Variants in NEU3 observed in about 807,000 individuals in gnomAD.
The protein encoded by NEU3 is sialidase-3.
In NEU3, 10 loss-of-function variants were observed where a neutral mutation model predicts 11.4. The observed-to-expected ratio is 0.88, with a 90% confidence interval of 0.54 to 1.49. The LOEUF (loss-of-function observed/expected upper bound fraction) is 1.49, where lower values mean the gene tolerates loss of function less well. Ranked by LOEUF, NEU3 falls within the 40% of genes most tolerant of loss-of-function variation. NEU3 has a pLI of 0.00. For synonymous variants in NEU3, 212 were observed against 228.2 expected, an observed-to-expected ratio of 0.93 and a Z score of 0.64; for missense variants, 529 against 581.8, an observed-to-expected ratio of 0.91 and a Z score of 0.93.
At chr11:74,989,690 G>A (rs576386810) in intron 1 of NEU3, among the ~76,000 whole-genome samples, 10 of 152,216 alleles carry the variant, frequency 6.6e-5, no homozygotes, top group African/African-American at 2.4e-4. Context: ...TGGAGGCTGT[G>A]GAATTACATT....
Position 75,007,888 on chromosome 11 carries a change from T to G in NEU3, c.*1396T>G, listed in dbSNP as rs1948914711. 1 of 152,204 alleles carries G rather than the reference T, an allele frequency of 6.6e-6. No homozygotes were observed. The highest frequency in any genetic ancestry group is 6.5e-5 in the Admixed American group (1 of 15,288). The allele number at this position is 152,204 out of a possible 1,614,324, so 9.4% of individuals were successfully genotyped here. On this transcript the variant is annotated 3_prime_UTR_variant, in exon 3 of 3. Transcript: ENST00000294064. Reference sequence around the variant, plus strand: ...TATCAACTAAATATATTTGGTGTTGTACAATGACCACAGAGAACAAGTCTT... The same window carrying G: ...TATCAACTAAATATATTTGGTGTTGGACAATGACCACAGAGAACAAGTCTT...
Position 74,994,738 on chromosome 11 carries a change from A to G in NEU3, c.306+18A>G. 4 of 1,605,610 alleles carry G rather than the reference A, an allele frequency of 2.5e-6. No individual in the cohort carries two copies. Among genetic ancestry groups the G allele is most frequent in the Non-Finnish European group, 3.4e-6 (4 of 1,172,246 alleles). ...TGGTACAGGTGACTCTTCATCCCAG[A>G]TCTGAGTCTGGGCCTCAGTTTCTCT... On this transcript the variant is annotated intron_variant, in intron 2 of 2. Coordinates refer to ENST00000294064, the MANE Select transcript of NEU3 (RefSeq NM_006656.6).
rs1430292589 is a variant in NEU3 at position 75,006,127 on chromosome 11, C to T, written c.1021C>T (p.Gln341Ter). The change falls in exon 3 of 3, where the codon CAG becomes TAG. Residue 341 changes from glutamine to a stop codon, truncating the protein, a stop_gained. Coordinates refer to ENST00000294064, the MANE Select transcript of NEU3 (RefSeq NM_006656.6). LOFTEE classifies it low-confidence loss of function (END_TRUNC). Reference protein sequence around the residue: ...SSSKDAPTIQQSSPGSSLRLE... With the variant: ...SSSKDAPTIQ ...CAGCAAAGATGCACCCACCATTCAG[C>T]AGAGCTCTCCAGGCAGTTCACTGAG... 4 of 1,614,014 alleles carry T rather than the reference C, an allele frequency of 2.5e-6. No homozygotes were observed. Among genetic ancestry groups the T allele is most frequent in the Non-Finnish European group, 3.4e-6 (4 of 1,179,894 alleles).
chr11:75,006,525 T>C lies in NEU3; in HGVS notation c.*33T>C. The C allele has an allele frequency of 6.4e-7, 1 of 1,573,558 alleles. No homozygotes were observed. Among genetic ancestry groups the C allele is most frequent in the South Asian group, 1.2e-5 (1 of 84,430 alleles). On this transcript the variant is annotated 3_prime_UTR_variant, in exon 3 of 3. Transcript: ENST00000294064. Reference sequence around the variant, plus strand: ...AGGACCCAATTTCCATAGATGCAAATGGCAGTTACAGACAGGTTAACAGAA... The same window carrying C: ...AGGACCCAATTTCCATAGATGCAAACGGCAGTTACAGACAGGTTAACAGAA...
intron 2 of NEU3, among the ~76,000 whole-genome samples, chr11:75,002,382 GGTAGTTAATACATTT>G (rs1386785066): frequency 6.6e-6 from 1 of 151,858 alleles, no homozygotes; most frequent in East Asian, 1.9e-4. Context: ...TTTTGTTTTA[GGTAGTTAATACATTT>G]CATATAGCTG....
downstream of NEU3, among the ~76,000 whole-genome samples, chr11:75,012,134 C>T (rs1410038719): frequency 1.3e-5 from 2 of 152,162 alleles, no homozygotes; most frequent in African/African-American, 4.8e-5. Context: ...GCATTTACAG[C>T]CATGCAGAGG....
intron 2 of NEU3, among the ~76,000 whole-genome samples, chr11:75,003,085 C>T (rs1396312334): frequency 6.6e-6 from 1 of 152,174 alleles, no homozygotes; most frequent in Non-Finnish European, 1.5e-5. Flanking sequence ...AGTGGAATTA[C>T]TGGCTCATGT....
intron 3 of NEU3, among the ~76,000 whole-genome samples, chr11:75,017,709 C>A (rs1275735095): frequency 6.6e-6 from 1 of 152,124 alleles, no homozygotes; most frequent in Non-Finnish European, 1.5e-5. Context: ...GCCTGTGAGC[C>A]AGGCTGAGTT....
upstream of NEU3, chr11:74,988,728 G>A (rs1948693885): frequency 1.1e-5 from 4 of 374,530 alleles, no homozygotes; most frequent in Non-Finnish European, 1.9e-5. Flanking sequence ...GAACTGAGGT[G>A]GGCCCAGGGC....
Position 75,005,528 on chromosome 11 carries a change from G to C in NEU3, c.422G>C (p.Arg141Pro). The C allele has an allele frequency of 6.2e-7, 1 of 1,613,926 alleles. No homozygotes were observed. Among genetic ancestry groups the C allele is most frequent in the Non-Finnish European group, 8.5e-7 (1 of 1,179,872 alleles). The change falls in exon 3 of 3, where the codon CGG becomes CCG. Residue 141 changes from arginine to proline, a missense_variant. Physicochemically the swap from Arg to Pro is moderately radical, Grantham distance 103 (BLOSUM62 -2). Transcript: ENST00000294064. The part of the protein sequence containing the change: ...GCVFLFFICV[R>P]GHVTERQQIV... ...GTGTTCCTGTTCTTCATCTGTGTGC[G>C]GGGCCATGTCACAGAGCGTCAACAG...
chr11:75,017,737 T>G (rs531208857), intron 3 of NEU3, among the ~76,000 whole-genome samples: 21 of 152,210 alleles, frequency 1.4e-4, no homozygotes, highest in Admixed American at 4.6e-4. Context: ...CTCAGGGCTA[T>G]GGGGGGATGC....
intron 2 of NEU3, among the ~76,000 whole-genome samples, chr11:75,002,188 A>G (rs1369423203): frequency 1.3e-5 from 2 of 152,160 alleles, no homozygotes; most frequent in Non-Finnish European, 2.9e-5. Flanking sequence ...CCAAGTAGAT[A>G]ATGTAAAAAT....
At chr11:74,983,729 T>A (rs1420016417), upstream of NEU3, among the ~76,000 whole-genome samples, 1 of 152,214 alleles carries the variant, frequency 6.6e-6, no homozygotes, top group Non-Finnish European at 1.5e-5. Context: ...CAGCCTCAAT[T>A]CATTGGCCAG....
At chr11:75,012,290 A>C (rs890070889), downstream of NEU3, among the ~76,000 whole-genome samples, 1 of 152,210 alleles carries the variant, frequency 6.6e-6, no homozygotes, top group Admixed American at 6.5e-5. Context: ...CCAGTCAACA[A>C]AGCTGCATGG....
intron 1 of NEU3, chr11:74,989,847 C>G (rs1948711052): frequency 1.6e-6 from 1 of 637,050 alleles, no homozygotes; most frequent in Admixed American, 2.4e-5. Context: ...AGTAAGAAAG[C>G]GGGAAGGACT....
chr11:75,007,468 T>C lies in NEU3; in HGVS notation c.*976T>C, dbSNP rs1183277673. ...ATGGTAGCTCCTGATGTAATTTTCT[T>C]AGTTGCATCTTCAATATGCCTGGAG... On this transcript the variant is annotated 3_prime_UTR_variant, in exon 3 of 3. Transcript: ENST00000294064. 6.6e-6 allele frequency: 1 copy of C among 152,212 alleles called. No homozygotes were observed. The highest frequency in any genetic ancestry group is 1.5e-5 in the Non-Finnish European group (1 of 68,048). 9.4% of individuals were successfully genotyped at this position (152,212 alleles called of 1,614,324 possible). A position where few individuals can be genotyped will look rare whatever the true frequency, so the allele number is the denominator to read the frequency against.
intron 1 of NEU3, among the ~76,000 whole-genome samples, chr11:74,992,316 T>A (rs1485568550): frequency 6.6e-6 from 1 of 152,240 alleles, no homozygotes; most frequent in Non-Finnish European, 1.5e-5. Flanking sequence ...TCCATGTATA[T>A]GTCTGTTTCC....
At chr11:74,992,916 C>T (rs893155994) in intron 1 of NEU3, among the ~76,000 whole-genome samples, 6 of 152,098 alleles carry the variant, frequency 3.9e-5, no homozygotes, top group African/African-American at 1.4e-4. Flanking sequence ...GCCGAGCTCA[C>T]ACCATTGCAC....
At chr11:75,014,781 C>T (rs550417554), downstream of NEU3, among the ~76,000 whole-genome samples, 2 of 152,042 alleles carry the variant, frequency 1.3e-5, no homozygotes, top group Non-Finnish European at 2.9e-5. Context: ...GGGAGGACCA[C>T]GTGAGGCCCA....
Sources: gnomAD v4.1 joint callset for allele counts (sites outside exome capture counted in the v4.1 genomes callset) on GRCh38, gnomAD v4.1.1 for gene constraint, MANE v1.5 for transcripts, NCBI Gene and HGNC (gene_info 2026-07-23, HGNC 2026-07-21) for gene names.